HLF: variants seen among roughly 807,000 people sequenced by gnomAD.
The protein encoded by HLF is hepatic leukemia factor.
A neutral mutation model predicts 22.6 loss-of-function variants in HLF; 3 were observed. The ratio of observed to expected loss-of-function variants is 0.13; its 90% CI spans 0.06 to 0.34. The LOEUF (loss-of-function observed/expected upper bound fraction) is 0.34, where lower values mean the gene tolerates loss of function less well. Ranked by LOEUF, HLF falls within the 10% of genes least tolerant of loss-of-function variation. HLF has a pLI of 1.00. For missense variants in HLF, 299 were observed against 389.2 expected (o/e 0.77, Z 1.95); for synonymous variants, 151 against 151.8 (o/e 0.99, Z 0.04).
In HLF at chr17:55,317,014, C is replaced by CTTTTT. The variant is rs1400676399; in HGVS notation, c.672+1568_672+1569insTTTTT. On this transcript the variant is annotated intron_variant, in intron 3 of 3. Coordinates refer to ENST00000226067, the MANE Select transcript of HLF (RefSeq NM_002126.5). ...ATGGAGTCGCACTCTGTTGCCCAGG[C>CTTTTT]TGGAGTGCAGTGGCACGATCTCAGC... is the stretch of plus-strand genomic sequence containing the variant. 4.4e-5 allele frequency among the ~76,000 whole-genome samples: 6 copies of CTTTTT among 135,470 alleles called. No homozygotes were observed. In the East Asian group the frequency reaches 1.3e-3, roughly 29 times the overall value. The allele number at this position is 135,470 out of a possible 152,430, so 88.9% of individuals were successfully genotyped here.
chr17:55,296,155 A>G (rs992549181), intron 2 of HLF, among the ~76,000 whole-genome samples: 2 of 152,118 alleles, frequency 1.3e-5, no homozygotes, highest in African/African-American at 4.8e-5. Context: ...CATGGTGTGA[A>G]TATTCCTGAG....
At chr17:55,274,659 C>T (rs139269039) in intron 2 of HLF, among the ~76,000 whole-genome samples, 5 of 152,300 alleles carry the variant, frequency 3.3e-5, no homozygotes, top group African/African-American at 9.6e-5. Context: ...TAGCTGCTCA[C>T]GATCTCAGGC....
rs112665643 is a variant in HLF at position 55,302,801 on chromosome 17, G to T, written c.452-12426G>T. On this transcript the variant is annotated intron_variant, in intron 2 of 3. Coordinates refer to ENST00000226067, the MANE Select transcript of HLF (RefSeq NM_002126.5). ...CCTAGGTGGTGCTGATTCAAGTGGC[G>T]CATATTGTCATTTAAAATGGAAAGT... Among the ~76,000 whole-genome samples, 988 of 152,256 alleles carry T rather than the reference G, an allele frequency of 6.5e-3. 4 individuals carry two copies. The highest frequency in any genetic ancestry group is 0.037 in the Middle Eastern group (11 of 294).
Position 55,315,265 on chromosome 17 carries a change from A to G in HLF, c.490A>G (p.Ile164Val), listed in dbSNP as rs1434999760. Reference sequence around the variant, plus strand: ...AGCAAACCGCAATACACCAAGTCCCATTGATCCTGACACCATCCAGGTCCC... The same window carrying G: ...AGCAAACCGCAATACACCAAGTCCCGTTGATCCTGACACCATCCAGGTCCC... ...LPANRNTPSP[I>V]DPDTIQVPVG... The change falls in exon 3 of 4, where the codon ATT (isoleucine) becomes GTT (valine). Residue 164 changes from isoleucine to valine, a missense_variant. By Grantham distance (29) the Ile-to-Val change is conservative (BLOSUM62 3). Transcript: ENST00000226067. 6.2e-7 allele frequency: 1 copy of G among 1,614,190 alleles called. No individual in the cohort carries two copies. Among genetic ancestry groups the G allele is most frequent in the Admixed American group, 1.7e-5 (1 of 60,022 alleles).
chr17:55,293,216 C>G (rs1363968567), intron 2 of HLF, among the ~76,000 whole-genome samples: 1 of 151,858 alleles, frequency 6.6e-6, no homozygotes, highest in African/African-American at 2.4e-5. Context: ...ATGCATGTAT[C>G]AAAATATCCC....
chr17:55,288,592 A>G (rs2081028751), intron 2 of HLF, among the ~76,000 whole-genome samples: 1 of 151,982 alleles, frequency 6.6e-6, no homozygotes, highest in Non-Finnish European at 1.5e-5. Context: ...ATGAAACCCC[A>G]TCTCTACCAA....
At chr17:55,314,111 G>A (rs1002809598) in intron 2 of HLF, among the ~76,000 whole-genome samples, 2 of 152,128 alleles carry the variant, frequency 1.3e-5, no homozygotes, top group African/African-American at 4.8e-5. Context: ...AGGAGTGATT[G>A]TAAAATTCAG....
intron 2 of HLF, among the ~76,000 whole-genome samples, chr17:55,309,536 G>A (rs750432483): frequency 2.0e-5 from 3 of 152,190 alleles, no homozygotes; most frequent in Non-Finnish European, 4.4e-5. Flanking sequence ...CATGACAAGT[G>A]AACAGACCCT....
intron 2 of HLF, among the ~76,000 whole-genome samples, chr17:55,294,022 G>A (rs1230483510): frequency 6.9e-6 from 1 of 144,276 alleles, no homozygotes; most frequent in Non-Finnish European, 1.5e-5. Context: ...AGTCATGAGG[G>A]ATGACTTTCT....
rs1290111390 is a variant in HLF at position 55,325,017 on chromosome 17, ATCTG to A, written c.*4144_*4147del. 1 of 225,202 alleles carries A rather than the reference ATCTG, an allele frequency of 4.4e-6. No homozygotes were observed. The highest frequency in any genetic ancestry group is 5.7e-5 in the Admixed American group (1 of 17,508). The allele number at this position is 225,202 out of a possible 1,614,324, so 14.0% of individuals were successfully genotyped here. ...TTTATGCTGTTAAGTCCAAACCTTTATCTGTCTGTTATTCTTAATGTTGAATAAA... is the reference window on the plus strand; with the variant it reads ...TTTATGCTGTTAAGTCCAAACCTTTATCTGTTATTCTTAATGTTGAATAAA... On this transcript the variant is annotated 3_prime_UTR_variant, in exon 4 of 4. Transcript: ENST00000226067.
chr17:55,315,357 C>T lies in HLF; in HGVS notation c.582C>T (p.Asp194=), dbSNP rs1173919893. The stretch of plus-strand genomic sequence containing the variant: ...GCATCCCTGGCCAGGAAATGTTTGA[C>T]CCTCGCAAACGCAAGTTCTCTGAGG... ...LSSIPGQEMF[D]PRKRKFSEEE... Residue 194 remains aspartate (D), a synonymous_variant, in exon 3 of 4, where the codon GAC becomes GAT. Coordinates refer to ENST00000226067, the MANE Select transcript of HLF (RefSeq NM_002126.5). 1 of 1,614,142 alleles carries T rather than the reference C, an allele frequency of 6.2e-7. No homozygotes were observed.
At chr17:55,272,012 A>T (rs1454534940) in intron 2 of HLF, 1 of 152,230 alleles carries the variant, frequency 6.6e-6, no homozygotes, top group Admixed American at 6.5e-5. Flanking sequence ...CTATTGTGGG[A>T]TCACCAAGCT....
rs774531917 is a variant in HLF, at chr17:55,265,583, C to G, written c.99C>G (p.Pro33=). The G allele has an allele frequency of 3.1e-6, 5 of 1,599,614 alleles. No individual in the cohort carries two copies. The highest frequency in any genetic ancestry group is 1.1e-5 in the South Asian group (1 of 90,020). Residue 33 remains proline (P), a synonymous_variant, in exon 1 of 4, where the codon CCC becomes CCG. Coordinates refer to ENST00000226067, the MANE Select transcript of HLF (RefSeq NM_002126.5). The part of the protein sequence containing the change: ...RSLLENPLKL[P]LHHEDAFSKD... ...TGCTGGAGAACCCGCTGAAGCTCCCCCTTCACCACGAAGACGGTGAGCGCT... is the reference window on the plus strand; with the variant it reads ...TGCTGGAGAACCCGCTGAAGCTCCCGCTTCACCACGAAGACGGTGAGCGCT...
rs569624206 is a variant in HLF at position 55,265,834 on chromosome 17, C to T, written c.115+235C>T. 161 of 1,272,964 alleles carry T rather than the reference C, an allele frequency of 1.3e-4. 3 individuals carry two copies. In the South Asian group the frequency reaches 3.6e-3, roughly 29 times the overall value. The allele number at this position is 1,272,964 out of a possible 1,614,324, so 78.9% of individuals were successfully genotyped here. ...TACATTTAAAAGAGCTTCGGGCACC[C>T]GGCCTCCCTGGGTCCCGCTCCTGCG... is the stretch of plus-strand genomic sequence containing the variant. On this transcript the variant is annotated intron_variant, in intron 1 of 3. Coordinates refer to ENST00000226067, the MANE Select transcript of HLF (RefSeq NM_002126.5).
chr17:55,272,352 ACATG>A (rs2080865799), intron 2 of HLF: 1 of 152,238 alleles, frequency 6.6e-6, no homozygotes, highest in African/African-American at 2.4e-5. Flanking sequence ...TTTTTATATT[ACATG>A]CTTGTAAAGC....
chr17:55,308,356 A>G (rs1904678202), intron 2 of HLF, among the ~76,000 whole-genome samples: 2 of 152,222 alleles, frequency 1.3e-5, no homozygotes, highest in African/African-American at 4.8e-5. Flanking sequence ...GAGACCATTT[A>G]TTGCACACTT....
intron 2 of HLF, among the ~76,000 whole-genome samples, chr17:55,285,020 C>T (rs2080990877): frequency 2.0e-5 from 3 of 152,180 alleles, no homozygotes; most frequent in Admixed American, 1.3e-4. Context: ...GAGTCAGGGA[C>T]TGCCCACAAC....
At chr17:55,300,177 G>A (rs191069627) in intron 2 of HLF, among the ~76,000 whole-genome samples, 1 of 152,268 alleles carries the variant, frequency 6.6e-6, no homozygotes, top group Admixed American at 6.5e-5. Flanking sequence ...CACTTGATTA[G>A]GAGGCACAGT....
rs1325029163 is a variant in HLF, at chr17:55,277,234, TATGTGTATGTG to T, written c.451+9149_451+9159del. ...CAAATAAGTATATTGAACCAGATGT[TATGTGTATGTG>T]TGTGTGTGTGTGTGTGTGTGTGTGT... On this transcript the variant is annotated intron_variant, in intron 2 of 3. Transcript: ENST00000226067. 3.5e-4 allele frequency among the ~76,000 whole-genome samples: 5 copies of T among 14,484 alleles called. No individual in the cohort carries two copies. The East Asian group carries it at 6.8e-3, about 20-fold the overall frequency. The allele number at this position is 14,484 out of a possible 152,430, so 9.5% of individuals were successfully genotyped here.
Sources: gnomAD v4.1 joint callset for allele counts (sites outside exome capture counted in the v4.1 genomes callset) on GRCh38, gnomAD v4.1.1 for gene constraint, MANE v1.5 for transcripts, NCBI Gene and HGNC (gene_info 2026-07-23, HGNC 2026-07-21) for gene names.